ZNF536: variants seen among roughly 807,000 people sequenced by gnomAD.
ZNF536 encodes the protein zinc finger protein 536.
A neutral mutation model predicts 84.5 loss-of-function variants in ZNF536; 13 were observed. That is an observed-to-expected ratio of 0.15 (90% CI 0.10 to 0.24). ZNF536 has a LOEUF of 0.24. Ranked by LOEUF, ZNF536 falls within the 10% of genes least tolerant of loss-of-function variation. The pLI is 1.00. For missense variants in ZNF536, 1,536 were observed against 1,747.5 expected (o/e 0.88, Z 2.16); for synonymous variants, 811 against 742.5 (o/e 1.09, Z -1.50).
intron 1 of ZNF536, among the ~76,000 whole-genome samples, chr19:30,689,005 C>T (rs56379706): frequency 2.0e-4 from 31 of 152,332 alleles, no homozygotes; most frequent in African/African-American, 7.2e-4. Context: ...AATATTGGCC[C>T]GCTCTGCTCC....
rs146112760 is a variant in ZNF536, at chr19:30,428,943, A to G, written c.-2-14618A>G. ...GCCTCAGAGGCACCCACAGGGGGAT[A>G]GAGAGAGGGGCTGAGTTCAGGGTCC... On this transcript the variant is annotated intron_variant, in intron 1 of 4. Coordinates refer to ENST00000355537, the MANE Select transcript of ZNF536 (RefSeq NM_014717.3). Among the ~76,000 whole-genome samples the G allele has an allele frequency of 5.1e-3, 771 of 152,290 alleles. 50 individuals carry two copies. In the South Asian group the frequency reaches 0.13, roughly 26 times the overall value.
chr19:30,327,182 A>AT (rs1404469350), intron 2 of ZNF536, among the ~76,000 whole-genome samples: 4 of 152,202 alleles, frequency 2.6e-5, no homozygotes, highest in Non-Finnish European at 5.9e-5. Context: ...ATGCAATTTA[A>AT]TCTCCTGTTT....
At chr19:30,396,898 C>T (rs1054640748) in intron 1 of ZNF536, among the ~76,000 whole-genome samples, 1 of 152,176 alleles carries the variant, frequency 6.6e-6, no homozygotes, top group African/African-American at 2.4e-5. Context: ...AACCACCGTG[C>T]CCAGCCAAGC....
intron 2 of ZNF536, among the ~76,000 whole-genome samples, chr19:30,484,150 A>T (rs1185633626): frequency 6.6e-6 from 1 of 151,692 alleles, no homozygotes; most frequent in Non-Finnish European, 1.5e-5. Flanking sequence ...GACACACTCC[A>T]TATACTCTGT....
chr19:30,643,845 G>A (rs1480724212), intron 1 of ZNF536, among the ~76,000 whole-genome samples: 1 of 152,144 alleles, frequency 6.6e-6, no homozygotes, highest in Non-Finnish European at 1.5e-5. Flanking sequence ...GGCCATGCTT[G>A]AGTGAACTCC....
In ZNF536 at chr19:30,598,140, A is replaced by G. The variant is rs181760598; in HGVS notation, c.169+48626A>G. ...CGCCAGCTTCTTGACTTGAAGAATA[A>G]AGGAGGGCCCTGAGCCGTGTCCTCC... On this transcript the variant is annotated intron_variant, in intron 1 of 1. Coordinates refer to the ZNF536 transcript ENST00000592773. Among the ~76,000 whole-genome samples the G allele has an allele frequency of 9.2e-5, 14 of 152,298 alleles. No homozygotes were observed. In the East Asian group the frequency reaches 2.1e-3, roughly 23 times the overall value.
chr19:30,310,588 C>G (rs533398072), intron 2 of ZNF536, among the ~76,000 whole-genome samples: 1 of 152,140 alleles, frequency 6.6e-6, no homozygotes, highest in Admixed American at 6.5e-5. Context: ...TCATTTAAGG[C>G]GAAAAGTGGG....
chr19:30,564,723 A>G (rs1307029151), intron 1 of ZNF536, among the ~76,000 whole-genome samples: 1 of 152,178 alleles, frequency 6.6e-6, no homozygotes, highest in Non-Finnish European at 1.5e-5. Flanking sequence ...AATCAGAATT[A>G]TTTACAAGAT....
exon 2 of ZNF536, chr19:30,712,484 C>T (rs749733085): frequency 2.0e-5 from 3 of 151,610 alleles, no homozygotes; most frequent in Non-Finnish European, 4.4e-5. Flanking sequence ...GATTAAACCC[C>T]AGGGCCTTAA....
intron 2 of ZNF536, among the ~76,000 whole-genome samples, chr19:30,503,501 A>G (rs1221639968): frequency 6.6e-6 from 1 of 152,276 alleles, no homozygotes; most frequent in Non-Finnish European, 1.5e-5. Flanking sequence ...AGTGGGCTAC[A>G]AAACAGCAGG....
intron 2 of ZNF536, among the ~76,000 whole-genome samples, chr19:30,319,364 TG>T (rs768716221): frequency 5.6e-4 from 85 of 152,166 alleles, no homozygotes; most frequent in Middle Eastern, 3.4e-3. Context: ...CTCAGACTGA[TG>T]TTTTTTTTTT....
chr19:30,461,586 G>A (rs1194327351), intron 2 of ZNF536, among the ~76,000 whole-genome samples: 4 of 152,184 alleles, frequency 2.6e-5, no homozygotes, highest in African/African-American at 9.7e-5. Flanking sequence ...CCTGCTCAAG[G>A]TCACACTTGT....
rs568016170 is a variant in ZNF536 at position 30,249,803 on chromosome 19, G to T, written c.-190+21130G>T. Reference sequence around the variant, plus strand: ...GCCTTTTTGGGGAATGGAGGTGGAAGGCTGAAGGGACCATTCATGAAGTCA... The same window carrying T: ...GCCTTTTTGGGGAATGGAGGTGGAATGCTGAAGGGACCATTCATGAAGTCA... On this transcript the variant is annotated intron_variant, in intron 1 of 5. Coordinates refer to the ZNF536 transcript ENST00000585628. Among the ~76,000 whole-genome samples the T allele has an allele frequency of 1.4e-4, 21 of 152,310 alleles. No homozygotes were observed. In the South Asian group the frequency reaches 4.1e-3, roughly 30 times the overall value.
At chr19:30,289,759 G>T (rs999779590) in intron 2 of ZNF536, among the ~76,000 whole-genome samples, 1 of 152,206 alleles carries the variant, frequency 6.6e-6, no homozygotes, top group Non-Finnish European at 1.5e-5. Flanking sequence ...AGGGGTGTTT[G>T]TTACGTTGCT....
At chr19:30,686,411 T>TC (rs1361143345) in intron 1 of ZNF536, among the ~76,000 whole-genome samples, 1 of 152,086 alleles carries the variant, frequency 6.6e-6, no homozygotes, top group Non-Finnish European at 1.5e-5. Flanking sequence ...CCGTTGTGTG[T>TC]CCCCCACCCT....
At chr19:30,361,390 A>T in intron 3 of ZNF536, among the ~76,000 whole-genome samples, 13 of 125,364 alleles carry the variant, frequency 1.0e-4, no homozygotes, top group Admixed American at 2.5e-4. Context: ...TCTTTTTTTC[A>T]CTTCTGGAAA....
intron 1 of ZNF536, among the ~76,000 whole-genome samples, chr19:30,421,828 G>C (rs2050972297): frequency 6.6e-6 from 1 of 152,212 alleles, no homozygotes; most frequent in Admixed American, 6.5e-5. Flanking sequence ...CTGTACACGA[G>C]AGCAGGCCCC....
At chr19:30,264,966 T>TGTGTGTGAGA (rs59889852) in intron 1 of ZNF536, among the ~76,000 whole-genome samples, 1,791 of 133,816 alleles carry the variant, frequency 0.013, 23 homozygotes, top group East Asian at 0.039. Flanking sequence ...TGTGTGTGTG[T>TGTGTGTGAGA]GAGAGAGAGA....
intron 1 of ZNF536, among the ~76,000 whole-genome samples, chr19:30,689,133 G>C (rs928802550): frequency 6.6e-6 from 1 of 152,266 alleles, no homozygotes; most frequent in Non-Finnish European, 1.5e-5. Context: ...TGGAAGGAAA[G>C]AGGGACTTGT....
Sources: gnomAD v4.1 joint callset for allele counts (sites outside exome capture counted in the v4.1 genomes callset) on GRCh38, gnomAD v4.1.1 for gene constraint, MANE v1.5 for transcripts, NCBI Gene and HGNC (gene_info 2026-07-23, HGNC 2026-07-21) for gene names.